Variants in CSMD3 observed in about 807,000 individuals in gnomAD.
CSMD3 encodes the protein CUB and sushi domain-containing protein 3.
In CSMD3, 177 loss-of-function variants were observed where a neutral mutation model predicts 435.2. The observed-to-expected ratio is 0.41, with a 90% CI of 0.36 to 0.46. The LOEUF is 0.46. CSMD3 is among the 20% of genes least tolerant of loss of function. The pLI is 0.34. For missense variants in CSMD3, 4,265 were observed against 4,504.6 expected (o/e 0.95, Z 1.52); for synonymous variants, 1,656 against 1,520.5 (o/e 1.09, Z -2.07).
chr8:112,283,914 T>C (rs1410220167), intron 58 of CSMD3, among the ~76,000 whole-genome samples: 1 of 151,844 alleles, frequency 6.6e-6, no homozygotes, highest in Non-Finnish European at 1.5e-5. Context: ...TATCAACACA[T>C]AGAAATAATA....
At chr8:112,574,780 G>A (rs1829810446) in intron 23 of CSMD3, among the ~76,000 whole-genome samples, 1 of 151,824 alleles carries the variant, frequency 6.6e-6, no homozygotes, top group South Asian at 2.1e-4. Flanking sequence ...GAGTTTCATG[G>A]GCTTCTTAGG....
intron 8 of CSMD3, among the ~76,000 whole-genome samples, chr8:112,952,200 C>T (rs2083841980): frequency 6.6e-6 from 1 of 150,982 alleles, no homozygotes; most frequent in Non-Finnish European, 1.5e-5. Flanking sequence ...AAACTCTGCC[C>T]ATGAACACTA....
chr8:112,696,921 G>T (rs2076270090), intron 13 of CSMD3, among the ~76,000 whole-genome samples: 1 of 152,134 alleles, frequency 6.6e-6, no homozygotes, highest in Non-Finnish European at 1.5e-5. Flanking sequence ...CAAAGGATAT[G>T]AACAGACACT....
intron 3 of CSMD3, among the ~76,000 whole-genome samples, chr8:113,267,030 A>T (rs565955132): frequency 6.6e-6 from 1 of 151,770 alleles, no homozygotes; most frequent in East Asian, 1.9e-4. Flanking sequence ...TCAGAGAAAT[A>T]CAAATGAAAA....
At chr8:112,346,346 A>G (rs1241178964) in intron 40 of CSMD3, 133 bp from the exon 41 acceptor site, 7 of 703,020 alleles carry the variant, frequency 1.0e-5, no homozygotes, top group Non-Finnish European at 1.6e-5. Context: ...TTGTCTGTTC[A>G]CTCACTATAC....
chr8:112,945,797 G>T (rs962376265), intron 9 of CSMD3, among the ~76,000 whole-genome samples: 1 of 151,026 alleles, frequency 6.6e-6, no homozygotes, highest in Non-Finnish European at 1.5e-5. Flanking sequence ...TCCTATTTAC[G>T]CTCTATAATT....
rs543277421 is a variant in CSMD3, at chr8:112,976,226, C to T, written c.1031-78G>A. 199 of 1,484,480 alleles carry T rather than the reference C, an allele frequency of 1.3e-4. No homozygotes were observed. In the African/African-American group the frequency reaches 2.5e-3, roughly 19 times the overall value. 92.0% of individuals were successfully genotyped at this position (1,484,480 alleles called of 1,614,324 possible). On this transcript the variant is annotated intron_variant, in intron 6 of 70. Transcript: ENST00000297405. Reference sequence around the variant, plus strand: ...ATTTTTTCTGATAAATTTAATCAATCATATTCTCTTCTATTACCTTAAGGA... The same window carrying T: ...ATTTTTTCTGATAAATTTAATCAATTATATTCTCTTCTATTACCTTAAGGA...
intron 1 of CSMD3, among the ~76,000 whole-genome samples, chr8:113,318,750 C>T (rs1439682111): frequency 6.7e-6 from 1 of 149,396 alleles, no homozygotes; most frequent in African/African-American, 2.5e-5. Flanking sequence ...CAGGTTGTAG[C>T]ACATGGTGGG....
At chr8:112,971,981 T>G (rs1466863912) in intron 7 of CSMD3, among the ~76,000 whole-genome samples, 1 of 152,100 alleles carries the variant, frequency 6.6e-6, no homozygotes, top group East Asian at 1.9e-4. Context: ...TTTTCCAGAT[T>G]ATTCATTAAT....
At chr8:112,736,498 A>C (rs779044337) in intron 13 of CSMD3, among the ~76,000 whole-genome samples, 1 of 152,010 alleles carries the variant, frequency 6.6e-6, no homozygotes, top group Non-Finnish European at 1.5e-5. Flanking sequence ...GAACTCTCAT[A>C]GTCTGCAGTA....
At chr8:113,255,839 A>C (rs2093375513) in intron 3 of CSMD3, among the ~76,000 whole-genome samples, 1 of 151,854 alleles carries the variant, frequency 6.6e-6, no homozygotes, top group Non-Finnish European at 1.5e-5. Context: ...TATAGTAATT[A>C]GTTTATAAAT....
chr8:113,268,298 C>T (rs371894536), intron 3 of CSMD3, among the ~76,000 whole-genome samples: 14 of 151,846 alleles, frequency 9.2e-5, no homozygotes, highest in South Asian at 2.1e-4. Context: ...AATGGTTATA[C>T]GACTATTAAA....
At chr8:112,439,980 T>A (rs987174776) in intron 32 of CSMD3, among the ~76,000 whole-genome samples, 3 of 152,080 alleles carry the variant, frequency 2.0e-5, no homozygotes, top group Admixed American at 6.5e-5. Context: ...CCAAATCTCA[T>A]GTCCTCACAT....
intron 3 of CSMD3, among the ~76,000 whole-genome samples, chr8:113,243,871 T>G (rs894349340): frequency 8.5e-5 from 13 of 152,196 alleles, no homozygotes; most frequent in African/African-American, 2.9e-4. Context: ...ATGTTGAACA[T>G]GTTTATGTGC....
In CSMD3 at chr8:112,336,634, A is replaced by G; in HGVS notation, c.7019+18T>C. On this transcript the variant is annotated intron_variant, in intron 44 of 70. Transcript: ENST00000297405. ...GTGTATATAATTGAATAAATCAATA[A>G]CAATAGTCCTGACTTACCATACAGT... 1 of 1,558,254 alleles carries G rather than the reference A, an allele frequency of 6.4e-7. No homozygotes were observed. Among genetic ancestry groups the G allele is most frequent in the South Asian group, 1.1e-5 (1 of 89,912 alleles).
intron 3 of CSMD3, among the ~76,000 whole-genome samples, chr8:113,272,520 G>C (rs1222131695): frequency 6.6e-6 from 1 of 150,458 alleles, no homozygotes; most frequent in Non-Finnish European, 1.5e-5. Context: ...AAGTGTGTTT[G>C]GGGTTTCTGC....
intron 32 of CSMD3, among the ~76,000 whole-genome samples, chr8:112,451,699 C>T (rs1432331569): frequency 1.3e-5 from 2 of 151,906 alleles, no homozygotes; most frequent in South Asian, 2.1e-4. Flanking sequence ...CCACCATGCC[C>T]GGCTAATTTT....
intron 43 of CSMD3, among the ~76,000 whole-genome samples, chr8:112,337,309 A>G (rs1824670153): frequency 6.6e-6 from 1 of 152,148 alleles, no homozygotes; most frequent in South Asian, 2.1e-4. Context: ...ACATAAGAAA[A>G]GCTCTAAAGT....
At chr8:112,975,582 T>C (rs1392152044) in intron 7 of CSMD3, among the ~76,000 whole-genome samples, 1 of 152,144 alleles carries the variant, frequency 6.6e-6, no homozygotes. Flanking sequence ...TGTTTAAAAA[T>C]GATTTCTGTT....
Sources: allele counts gnomAD v4.1 joint callset (sites outside exome capture counted in the v4.1 genomes callset), GRCh38; gene constraint gnomAD v4.1.1; transcripts MANE v1.5; gene names NCBI Gene and HGNC (gene_info 2026-07-23, HGNC 2026-07-21).